The following SFMBT1 variants were observed in gnomAD, a reference collection of about 807,000 sequenced individuals.
SFMBT1 encodes Scm like with four mbt domains 1.
A neutral mutation model predicts 108.7 loss-of-function variants in SFMBT1; 32 were observed. The observed-to-expected ratio is 0.29, with a 90% CI of 0.22 to 0.40. The LOEUF (loss-of-function observed/expected upper bound fraction) is 0.40. Ranked by LOEUF, SFMBT1 falls within the 10% of genes least tolerant of loss-of-function variation. The pLI is 1.00. For synonymous variants in SFMBT1, 348 were observed against 369.5 expected (o/e 0.94, Z 0.67); for missense variants, 816 against 1,059.6 (o/e 0.77, Z 3.19).
In SFMBT1 at chr3:52,954,251, A is replaced by T; in HGVS notation, c.123+66T>A. ...AATTAAAATAACTTTAAATTCTCTAATGATAATACAGAGATTCGAAATAAA... is the reference window on the plus strand; with the variant it reads ...AATTAAAATAACTTTAAATTCTCTATTGATAATACAGAGATTCGAAATAAA... On this transcript the variant is annotated intron_variant, in intron 3 of 20. Transcript: ENST00000394752. 4 of 1,195,650 alleles carry T rather than the reference A, an allele frequency of 3.3e-6. No homozygotes were observed. In the South Asian group the frequency reaches 4.0e-5, roughly 12 times the overall value. 74.1% of individuals were successfully genotyped at this position (1,195,650 alleles called of 1,614,324 possible).
At position 52,946,207 on chromosome 3, in the gene SFMBT1, G is replaced by A. The variant is rs79679189; in HGVS notation, c.124-2614C>T. 3.5e-4 allele frequency among the ~76,000 whole-genome samples: 53 copies of A among 152,274 alleles called. No homozygotes were observed. The East Asian group carries it at 6.0e-3, about 17-fold the overall frequency. ...AGTCCATAAAAGACAAAGAAAGAAC[G>A]AGGAACTGTCATATACCAGAGAAGA... On this transcript the variant is annotated intron_variant, in intron 3 of 20. Coordinates refer to ENST00000394752, the MANE Select transcript of SFMBT1 (RefSeq NM_016329.4).
chr3:52,980,066 A>C (rs1704655368), intron 1 of SFMBT1, among the ~76,000 whole-genome samples: 1 of 152,228 alleles, frequency 6.6e-6, no homozygotes, highest in Non-Finnish European at 1.5e-5. Flanking sequence ...TGAATGCATA[A>C]AATACATGTA....
intron 7 of SFMBT1, 54 bp downstream of exon 7, chr3:52,930,887 C>T: frequency 6.7e-7 from 1 of 1,490,354 alleles, no homozygotes. Flanking sequence ...TCCTGCGTTG[C>T]TTTACTCTAC....
intron 1 of SFMBT1, among the ~76,000 whole-genome samples, chr3:53,025,613 T>C (rs1045420034): frequency 7.9e-5 from 12 of 152,024 alleles, no homozygotes; most frequent in African/African-American, 2.9e-4. Flanking sequence ...GAACCCCGTC[T>C]TAAAAAAAGA....
In SFMBT1 at chr3:52,913,623, A is replaced by C; in HGVS notation, c.1481-6T>G. On this transcript the variant is annotated splice_polypyrimidine_tract_variant and splice_region_variant and intron_variant, in intron 14 of 20. Coordinates refer to ENST00000394752, the MANE Select transcript of SFMBT1 (RefSeq NM_016329.4). The stretch of plus-strand genomic sequence containing the variant: ...ATATTTTCCATTAATCATAACTGGG[A>C]AATGAAGAAAAACAAATATTCAAAA... The C allele has an allele frequency of 6.2e-7, 1 of 1,612,502 alleles. No individual in the cohort carries two copies. Among genetic ancestry groups the C allele is most frequent in the Non-Finnish European group, 8.5e-7 (1 of 1,179,484 alleles).
chr3:53,029,922 A>C (rs1183037885), intron 1 of SFMBT1, among the ~76,000 whole-genome samples: 1 of 152,086 alleles, frequency 6.6e-6, no homozygotes, highest in African/African-American at 2.4e-5. Flanking sequence ...GCTGGAGAAC[A>C]GTCTACCCCC....
intron 1 of SFMBT1, among the ~76,000 whole-genome samples, chr3:53,005,955 C>T (rs1000888816): frequency 6.6e-6 from 1 of 152,150 alleles, no homozygotes; most frequent in Non-Finnish European, 1.5e-5. Flanking sequence ...GTGGGGCAGG[C>T]AGGACCATGC....
intron 1 of SFMBT1, among the ~76,000 whole-genome samples, chr3:53,026,423 A>C (rs186061830): frequency 1.6e-4 from 24 of 152,348 alleles, no homozygotes; most frequent in Admixed American, 2.6e-4. Flanking sequence ...AAGACAGCAA[A>C]CGACTCACAC....
intron 12 of SFMBT1, among the ~76,000 whole-genome samples, chr3:52,919,234 A>G (rs944460200): frequency 2.0e-5 from 3 of 152,232 alleles, no homozygotes; most frequent in African/African-American, 7.2e-5. Flanking sequence ...GGAGAAAACT[A>G]TAAAACTTAT....
At chr3:52,999,589 C>G (rs1197191806) in intron 1 of SFMBT1, among the ~76,000 whole-genome samples, 2 of 150,268 alleles carry the variant, frequency 1.3e-5, no homozygotes, top group African/African-American at 4.8e-5. Flanking sequence ...TTCAAACGCT[C>G]CAGAAGACAG....
intron 1 of SFMBT1, among the ~76,000 whole-genome samples, chr3:53,043,899 G>A (rs1201219815): frequency 6.6e-6 from 1 of 152,150 alleles, no homozygotes; most frequent in Non-Finnish European, 1.5e-5. Context: ...CCTGTTTTGA[G>A]GCAAAACTCA....
chr3:52,959,329 C>T (rs1703885648), intron 2 of SFMBT1, among the ~76,000 whole-genome samples: 1 of 152,214 alleles, frequency 6.6e-6, no homozygotes, highest in Non-Finnish European at 1.5e-5. Flanking sequence ...ACCATATCTA[C>T]TGGCTATCTC....
At chr3:52,954,984 C>T (rs537820501) in intron 2 of SFMBT1, among the ~76,000 whole-genome samples, 5 of 151,976 alleles carry the variant, frequency 3.3e-5, no homozygotes, top group African/African-American at 9.7e-5. Context: ...GATCTCCTAA[C>T]GTCACGACTA....
chr3:53,037,612 A>G (rs1389348029), intron 1 of SFMBT1, among the ~76,000 whole-genome samples: 1 of 152,120 alleles, frequency 6.6e-6, no homozygotes, highest in East Asian at 1.9e-4. Flanking sequence ...ACAATAATAC[A>G]CCCGAAGTTT....
intron 3 of SFMBT1, among the ~76,000 whole-genome samples, chr3:52,944,660 C>G (rs1034017975): frequency 6.6e-6 from 1 of 151,948 alleles, no homozygotes; most frequent in African/African-American, 2.4e-5. Flanking sequence ...GTTGGGGTTA[C>G]AGGCGCCCGC....
intron 3 of SFMBT1, among the ~76,000 whole-genome samples, chr3:52,953,439 C>T (rs1314367604): frequency 1.1e-5 from 1 of 92,756 alleles, no homozygotes; most frequent in Non-Finnish European, 2.8e-5. Flanking sequence ...CCCCCTACCC[C>T]CCTCACCAAA....
chr3:53,032,103 C>A (rs1699706177), intron 1 of SFMBT1, among the ~76,000 whole-genome samples: 1 of 152,198 alleles, frequency 6.6e-6, no homozygotes, highest in Non-Finnish European at 1.5e-5. Flanking sequence ...GATACAATGG[C>A]TCATGCCTGT....
chr3:53,013,907 G>C (rs1241461402), intron 1 of SFMBT1, among the ~76,000 whole-genome samples: 1 of 152,048 alleles, frequency 6.6e-6, no homozygotes, highest in Non-Finnish European at 1.5e-5. Flanking sequence ...GGGATTACAG[G>C]TGTGAGCCAC....
chr3:52,991,480 G>A (rs541052986), intron 1 of SFMBT1, among the ~76,000 whole-genome samples: 11 of 151,894 alleles, frequency 7.2e-5, no homozygotes, highest in African/African-American at 2.7e-4. Context: ...GAGTAGCTGG[G>A]GCTACAGGGA....
Sources: gnomAD v4.1 joint callset for allele counts (sites outside exome capture counted in the v4.1 genomes callset) on GRCh38, gnomAD v4.1.1 for gene constraint, MANE v1.5 for transcripts, NCBI Gene and HGNC (gene_info 2026-07-23, HGNC 2026-07-21) for gene names.